HS2ST1: variants seen among roughly 807,000 people sequenced by gnomAD.
HS2ST1 encodes heparan sulfate 2-O-sulfotransferase 1.
A neutral mutation model predicts 42.9 loss-of-function variants in HS2ST1; 18 were observed. The ratio of observed to expected loss-of-function variants is 0.42; its 90% confidence interval spans 0.29 to 0.62. The LOEUF (loss-of-function observed/expected upper bound fraction) is 0.62, where lower values mean the gene tolerates loss of function less well. Ranked by LOEUF, HS2ST1 falls within the 20% of genes least tolerant of loss-of-function variation. The pLI, the probability that HS2ST1 is intolerant of heterozygous loss-of-function variation, is 0.21. For synonymous variants in HS2ST1, 146 were observed against 152.9 expected, an observed-to-expected ratio of 0.95 and a Z score of 0.33; for missense variants, 334 against 433.8, an observed-to-expected ratio of 0.77 and a Z score of 2.04.
chr1:87,045,684 G>A lies in HS2ST1; in HGVS notation c.125-27250G>A, dbSNP rs1650636126. 5.4e-5 allele frequency: 42 copies of A among 782,338 alleles called. No homozygotes were observed. In the East Asian group the frequency reaches 1.0e-3, roughly 19 times the overall value. The allele number at this position is 782,338 out of a possible 1,614,324, so 48.5% of individuals were successfully genotyped here. A position where few individuals can be genotyped will look rare whatever the true frequency, so the allele number is the denominator to read the frequency against. On this transcript the variant is annotated intron_variant, in intron 1 of 6. Coordinates refer to ENST00000370550, the MANE Select transcript of HS2ST1 (RefSeq NM_012262.4). ...CAACCCAGCAATCACTGCATTAGTA[G>A]TAGCAATAGCAGGAATAATATTCCC...
chr1:87,068,746 T>C (rs1036763908), intron 1 of HS2ST1, among the ~76,000 whole-genome samples: 11 of 152,228 alleles, frequency 7.2e-5, no homozygotes, highest in African/African-American at 2.7e-4. Flanking sequence ...GTATATTGCA[T>C]GCTGTATTCT....
intron 1 of HS2ST1, among the ~76,000 whole-genome samples, chr1:86,963,838 G>A (rs1450986667): frequency 6.9e-5 from 10 of 145,168 alleles, no homozygotes; most frequent in Admixed American, 1.4e-4. Flanking sequence ...GGCGGGGGCT[G>A]CCCCCCACCT....
At chr1:87,096,042 C>G (rs925239970) in intron 4 of HS2ST1, among the ~76,000 whole-genome samples, 1 of 141,156 alleles carries the variant, frequency 7.1e-6, no homozygotes, top group Admixed American at 7.3e-5. Flanking sequence ...AGCTGATTTT[C>G]ATATTTGCTC....
At chr1:86,985,457 CAT>C (rs1410936040) in intron 1 of HS2ST1, among the ~76,000 whole-genome samples, 1 of 103,098 alleles carries the variant, frequency 9.7e-6, no homozygotes, top group Non-Finnish European at 1.9e-5. Context: ...TATATACACA[CAT>C]ATATACACAT....
chr1:87,092,717 TG>T (rs1270242140), intron 4 of HS2ST1, 48 bp downstream of exon 4: 1 of 1,199,114 alleles, frequency 8.3e-7, no homozygotes. Context: ...GTTTATGAAC[TG>T]CAGTGAGCAA....
intron 1 of HS2ST1, among the ~76,000 whole-genome samples, chr1:87,023,696 T>C (rs1193322812): frequency 6.6e-6 from 1 of 152,124 alleles, no homozygotes; most frequent in Non-Finnish European, 1.5e-5. Context: ...GATAAGGATA[T>C]ATTGAATGGG....
intron 1 of HS2ST1, among the ~76,000 whole-genome samples, chr1:86,968,650 C>G (rs745772739): frequency 6.6e-6 from 1 of 152,214 alleles, no homozygotes; most frequent in East Asian, 1.9e-4. Flanking sequence ...AAGCATTCCT[C>G]CTACCTCCGC....
chr1:87,002,202 G>A (rs1169351391), intron 1 of HS2ST1, among the ~76,000 whole-genome samples: 2 of 152,138 alleles, frequency 1.3e-5, no homozygotes, highest in Admixed American at 1.3e-4. Context: ...GTGAGCCACC[G>A]TGCCCGGCCG....
chr1:86,940,969 A>G (rs533623558), intron 1 of HS2ST1, among the ~76,000 whole-genome samples: 34 of 152,192 alleles, frequency 2.2e-4, no homozygotes, highest in Non-Finnish European at 3.7e-4. Flanking sequence ...CATGGGTGAC[A>G]GAACAAGACC....
At chr1:87,090,533 A>G (rs1447235921) in intron 3 of HS2ST1, among the ~76,000 whole-genome samples, 1 of 151,990 alleles carries the variant, frequency 6.6e-6, no homozygotes, top group African/African-American at 2.4e-5. Flanking sequence ...GGATGTGTCA[A>G]ATGAAAGCAC....
intron 1 of HS2ST1, among the ~76,000 whole-genome samples, chr1:87,036,955 C>T (rs1222559410): frequency 6.6e-6 from 1 of 152,140 alleles, no homozygotes; most frequent in African/African-American, 2.4e-5. Context: ...GGAACATTCA[C>T]TTGCATATAT....
intron 1 of HS2ST1, among the ~76,000 whole-genome samples, chr1:87,001,830 C>G (rs1254201616): frequency 6.6e-6 from 1 of 152,066 alleles, no homozygotes; most frequent in African/African-American, 2.4e-5. Context: ...TCAGGCTGGT[C>G]TCAAACTCCT....
At chr1:86,930,429 T>C (rs892329763) in intron 1 of HS2ST1, among the ~76,000 whole-genome samples, 2 of 151,910 alleles carry the variant, frequency 1.3e-5, no homozygotes, top group Admixed American at 1.3e-4. Flanking sequence ...ATGAACCTTT[T>C]ACATTTCACC....
intron 1 of HS2ST1, among the ~76,000 whole-genome samples, chr1:87,012,033 A>G (rs145835137): frequency 6.6e-6 from 1 of 152,350 alleles, no homozygotes; most frequent in East Asian, 1.9e-4. Flanking sequence ...ATTCATAATT[A>G]ATTGATTCCC....
At chr1:86,920,364 T>C (rs190188707) in intron 1 of HS2ST1, among the ~76,000 whole-genome samples, 15 of 152,348 alleles carry the variant, frequency 9.8e-5, no homozygotes, top group Admixed American at 7.2e-4. Flanking sequence ...CCTGAAACCA[T>C]GCAGCAATAC....
intron 3 of HS2ST1, 68 bp from the exon 4 acceptor site, chr1:87,092,463 T>G (rs997971173): frequency 3.7e-6 from 4 of 1,072,722 alleles, no homozygotes; most frequent in Non-Finnish European, 3.8e-6. Context: ...CTTAAACATG[T>G]AATTTCAGGG....
intron 1 of HS2ST1, among the ~76,000 whole-genome samples, chr1:86,986,607 C>CT (rs1453603735): frequency 6.6e-6 from 1 of 152,096 alleles, no homozygotes; most frequent in Admixed American, 6.5e-5. Context: ...CACTAGCATC[C>CT]TTAAATTGTG....
intron 2 of HS2ST1, among the ~76,000 whole-genome samples, chr1:87,077,412 T>G (rs1651573757): frequency 6.6e-6 from 1 of 152,210 alleles, no homozygotes. Flanking sequence ...TCCTTTCCTC[T>G]TAGAATGCAC....
At chr1:87,047,082 G>T (rs1271612433) in intron 1 of HS2ST1, among the ~76,000 whole-genome samples, 1 of 152,072 alleles carries the variant, frequency 6.6e-6, no homozygotes, top group African/African-American at 2.4e-5. Flanking sequence ...CCCACCAGCA[G>T]TTCATGAGAA....
Sources: gnomAD v4.1 joint callset for allele counts (sites outside exome capture counted in the v4.1 genomes callset) on GRCh38, gnomAD v4.1.1 for gene constraint, MANE v1.5 for transcripts, NCBI Gene and HGNC (gene_info 2026-07-23, HGNC 2026-07-21) for gene names.